The following CHD6 variants were observed in gnomAD, a reference collection of about 807,000 sequenced individuals.
CHD6 encodes the protein chromodomain helicase DNA binding protein 6.
In CHD6, 50 loss-of-function variants were observed where a neutral mutation model predicts 276.9. That is an observed-to-expected ratio of 0.18 (90% CI 0.14 to 0.23). CHD6 has a LOEUF of 0.23. Ranked by LOEUF, CHD6 falls within the 10% of genes least tolerant of loss-of-function variation. CHD6 has a pLI of 1.00. For synonymous variants in CHD6, 1,173 were observed against 1,229.3 expected (o/e 0.95, Z 0.96); for missense variants, 2,564 against 3,365.8 (o/e 0.76, Z 5.89).
At chr20:41,415,675 C>A in intron 33 of CHD6, 37 bp from the exon 34 acceptor site, 1 of 1,457,782 alleles carries the variant, frequency 6.9e-7, no homozygotes, top group South Asian at 1.3e-5. Context: ...GTCTGAATGT[C>A]ACACAAGTGG....
intron 12 of CHD6, among the ~76,000 whole-genome samples, chr20:41,489,002 A>T (rs372945870): frequency 2.0e-5 from 3 of 152,340 alleles, no homozygotes; most frequent in African/African-American, 7.2e-5. Context: ...TTTCAGACTT[A>T]ATTTCACCTT....
At chr20:41,538,809 T>A (rs1024702153) in intron 2 of CHD6, among the ~76,000 whole-genome samples, 1 of 152,326 alleles carries the variant, frequency 6.6e-6, no homozygotes, top group South Asian at 2.1e-4. Context: ...GGATGTACAC[T>A]GGACTTTCTC....
intron 29 of CHD6, 40 bp downstream of exon 29, chr20:41,425,138 G>A (rs1219922922): frequency 1.3e-6 from 2 of 1,545,860 alleles, no homozygotes; most frequent in Middle Eastern, 1.7e-4. Flanking sequence ...ACTTTACCCA[G>A]TGGGTGGCTG....
intron 17 of CHD6, chr20:41,461,743 GTTC>G (rs2048555226): frequency 6.6e-6 from 1 of 152,498 alleles, no homozygotes; most frequent in African/African-American, 2.4e-5. Context: ...GGCAGAACTT[GTTC>G]TCCACTGTCA....
At position 41,403,818 on chromosome 20, in the gene CHD6, G is replaced by T. The variant is rs949370255; in HGVS notation, c.*775C>A. The stretch of plus-strand genomic sequence containing the variant: ...GTGAAGCAGCGTGTAGCTCTACGGA[G>T]CGCGGGTCCTTGCCCCACCCCCGTC... On this transcript the variant is annotated 3_prime_UTR_variant, in exon 37 of 37. Transcript: ENST00000373233. 3.8e-6 allele frequency: 4 copies of T among 1,057,528 alleles called. No homozygotes were observed. The highest frequency in any genetic ancestry group is 1.1e-4 in the Admixed American group (2 of 18,452). The allele number at this position is 1,057,528 out of a possible 1,614,324, so 65.5% of individuals were successfully genotyped here.
At chr20:41,522,008 A>C (rs2044411297) in intron 3 of CHD6, among the ~76,000 whole-genome samples, 1 of 152,222 alleles carries the variant, frequency 6.6e-6, no homozygotes, top group Admixed American at 6.5e-5. Flanking sequence ...TGTTTACTAC[A>C]AAATACAAAT....
At chr20:41,560,839 A>T (rs1369319299) in intron 1 of CHD6, among the ~76,000 whole-genome samples, 3 of 135,098 alleles carry the variant, frequency 2.2e-5, no homozygotes, top group African/African-American at 5.3e-5. Flanking sequence ...TAAAACAAAT[A>T]AAAAAAAAAA....
intron 8 of CHD6, chr20:41,497,012 TTA>T (rs2043703076): frequency 5.6e-6 from 1 of 180,094 alleles, no homozygotes; most frequent in African/African-American, 2.4e-5. Context: ...TCTCTCACTT[TTA>T]GATTTGTTTT....
Position 41,413,480 on chromosome 20 carries a change from G to A in CHD6, c.6975C>T (p.Ser2325=), listed in dbSNP as rs569449242. ...VHEDPGQATL[S]TTHPEGPGPA... ...GCCCTGGCCCCTCAGGGTGTGTGGT[G>A]CTCAAGGTGGCCTGCCCTGGGTCTT... The change falls in exon 35 of 37, where the codon AGC becomes AGT. Residue 2325 remains serine (S), a synonymous_variant. Transcript: ENST00000373233. The A allele has an allele frequency of 6.2e-7, 1 of 1,600,108 alleles. No homozygotes were observed. Among genetic ancestry groups the A allele is most frequent in the East Asian group, 2.3e-5 (1 of 44,406 alleles).
At chr20:41,590,014 A>G (rs1038929705) in intron 1 of CHD6, among the ~76,000 whole-genome samples, 1 of 151,990 alleles carries the variant, frequency 6.6e-6, no homozygotes, top group Non-Finnish European at 1.5e-5. Flanking sequence ...TACAAAACAG[A>G]GATATAGACC....
intron 16 of CHD6, among the ~76,000 whole-genome samples, chr20:41,475,101 T>C (rs972301901): frequency 6.6e-6 from 1 of 152,224 alleles, no homozygotes. Flanking sequence ...ATTCTATAGA[T>C]TTAATTATCA....
intron 3 of CHD6, among the ~76,000 whole-genome samples, chr20:41,520,263 T>C (rs1205200791): frequency 6.6e-5 from 10 of 152,092 alleles, no homozygotes; most frequent in Non-Finnish European, 1.3e-4. Context: ...GTCAGTGTGG[T>C]GATTCCTCAG....
At position 41,597,796 on chromosome 20, in the gene CHD6, C is replaced by T. The variant is rs115827262; in HGVS notation, c.-24+20544G>A. ...ATTAATATAAACGCATCAGAGTCAC[C>T]GCAAATCATTACTTTTGATGCTTGT... On this transcript the variant is annotated intron_variant, in intron 1 of 36. Transcript: ENST00000373233. 9.2e-3 allele frequency among the ~76,000 whole-genome samples: 1,396 copies of T among 152,164 alleles called. 21 individuals carry two copies. The highest frequency in any genetic ancestry group is 0.031 in the African/African-American group (1,267 of 41,514).
chr20:41,413,697 C>A, intron 34 of CHD6, 182 bp from the exon 35 acceptor site: 1 of 493,864 alleles, frequency 2.0e-6, no homozygotes, highest in South Asian at 3.5e-5. Flanking sequence ...TAAGCTCTTG[C>A]AAGTGATTTG....
rs113321122 is a variant in CHD6, at chr20:41,557,582, T to C, written c.-23-6222A>G. Among the ~76,000 whole-genome samples, 1,298 of 152,268 alleles carry C rather than the reference T, an allele frequency of 8.5e-3. 5 individuals are homozygous for C. Among genetic ancestry groups the C allele is most frequent in the Non-Finnish European group, 0.013 (906 of 68,028 alleles). ...TCACAGAAATGATTTAAATTCACTA[T>C]ACCTTGAGAACTCTGCCATACTAAC... On this transcript the variant is annotated intron_variant, in intron 1 of 36. Coordinates refer to ENST00000373233, the MANE Select transcript of CHD6 (RefSeq NM_032221.5).
At chr20:41,426,863 G>A (rs1600831773) in intron 27 of CHD6, among the ~76,000 whole-genome samples, 1 of 152,238 alleles carries the variant, frequency 6.6e-6, no homozygotes, top group African/African-American at 2.4e-5. Flanking sequence ...GGAATCTGAG[G>A]GGTAACAGAA....
At chr20:41,550,636 A>G (rs2045131189) in intron 2 of CHD6, among the ~76,000 whole-genome samples, 1 of 152,188 alleles carries the variant, frequency 6.6e-6, no homozygotes, top group South Asian at 2.1e-4. Context: ...CTGTCAATCA[A>G]TTCTGTAAAA....
chr20:41,509,442 T>G (rs1012017689), intron 5 of CHD6, among the ~76,000 whole-genome samples: 3 of 151,970 alleles, frequency 2.0e-5, no homozygotes, highest in Admixed American at 2.0e-4. Flanking sequence ...GTTAAACATA[T>G]TAGAGTGCCC....
chr20:41,416,541 C>T (rs1318040939), intron 33 of CHD6, 47 bp downstream of exon 33: 14 of 1,525,022 alleles, frequency 9.2e-6, no homozygotes, highest in Middle Eastern at 2.4e-4. Flanking sequence ...ACGTGGAACA[C>T]GCCCACCATT....
Sources: allele counts gnomAD v4.1 joint callset (sites outside exome capture counted in the v4.1 genomes callset), GRCh38; gene constraint gnomAD v4.1.1; transcripts MANE v1.5; gene names NCBI Gene and HGNC (gene_info 2026-07-23, HGNC 2026-07-21).